Variants in NCAPG2 observed in about 807,000 individuals in gnomAD.
The protein encoded by NCAPG2 is non-SMC condensin II complex subunit G2, also known as condensin-2 complex subunit G2.
NCAPG2 carries 53 observed loss-of-function variants against 141.1 expected under a neutral mutation model. The ratio of observed to expected loss-of-function variants is 0.38; its 90% CI spans 0.30 to 0.47. NCAPG2 has a LOEUF of 0.47. Ranked by LOEUF, NCAPG2 falls within the 20% of genes least tolerant of loss-of-function variation. The probability of loss-of-function intolerance (pLI) is 0.99; values close to 1 mark genes in which losing one functional copy is unlikely to be tolerated. For synonymous variants in NCAPG2, 499 were observed against 490.7 expected (o/e 1.02, Z -0.22); for missense variants, 1,087 against 1,389.0 (o/e 0.78, Z 3.46).
intron 6 of NCAPG2, among the ~76,000 whole-genome samples, chr7:158,687,971 T>C (rs1479786374): frequency 6.6e-6 from 1 of 152,196 alleles, no homozygotes; most frequent in Non-Finnish European, 1.5e-5. Context: ...TTTATATGCA[T>C]GCTACTAGAT....
chr7:158,691,312 G>C (rs1835104702), intron 4 of NCAPG2, among the ~76,000 whole-genome samples: 1 of 152,164 alleles, frequency 6.6e-6, no homozygotes, highest in Non-Finnish European at 1.5e-5. Flanking sequence ...AATTAACTGG[G>C]AAGTTGATAG....
At chr7:158,657,378 C>CAACG (rs1293014575) in intron 17 of NCAPG2, among the ~76,000 whole-genome samples, 2 of 152,354 alleles carry the variant, frequency 1.3e-5, no homozygotes, top group East Asian at 3.9e-4. Flanking sequence ...CACATGTGAC[C>CAACG]AACGGTGACC....
In NCAPG2 at chr7:158,631,476, G is replaced by C. The variant is rs1829890210; in HGVS notation, c.*190C>G. 4 of 629,028 alleles carry C rather than the reference G, an allele frequency of 6.4e-6. No homozygotes were observed. Among genetic ancestry groups the C allele is most frequent in the Non-Finnish European group, 1.1e-5 (4 of 355,856 alleles). The allele number at this position is 629,028 out of a possible 1,614,324, so 39.0% of individuals were successfully genotyped here. A position where few individuals can be genotyped will look rare whatever the true frequency, so the allele number is the denominator to read the frequency against. On this transcript the variant is annotated 3_prime_UTR_variant, in exon 28 of 28. Transcript: ENST00000356309. ...TATATTAAATATATTATTTACGCAG[G>C]CACTAGGCAAAATTGAAGAAGTTTT...
At chr7:158,701,301 T>C (rs1219870652) in intron 2 of NCAPG2, among the ~76,000 whole-genome samples, 1 of 152,226 alleles carries the variant, frequency 6.6e-6, no homozygotes, top group Non-Finnish European at 1.5e-5. Flanking sequence ...TATTTCTCAC[T>C]TGTAGTCAGA....
chr7:158,667,309 AG>A lies in NCAPG2; in HGVS notation c.1480-2560del, dbSNP rs753919452. 728 of 393,730 alleles carry A rather than the reference AG, an allele frequency of 1.8e-3. 132 individuals carry two copies. The highest frequency in any genetic ancestry group is 0.014 in the African/African-American group (393 of 27,212). 24.4% of individuals were successfully genotyped at this position (393,730 alleles called of 1,614,324 possible). A position where few individuals can be genotyped will look rare whatever the true frequency, so the allele number is the denominator to read the frequency against. ...GACCCTGTGTCCCTCCTCCACCCTTAGCCGCTACTGTGTCCCTCCGCTACTG... is the reference window on the plus strand; with the variant it reads ...GACCCTGTGTCCCTCCTCCACCCTTACCGCTACTGTGTCCCTCCGCTACTG... On this transcript the variant is annotated intron_variant, in intron 13 of 27. Coordinates refer to ENST00000356309, the MANE Select transcript of NCAPG2 (RefSeq NM_017760.7).
rs1419492482 is a variant in NCAPG2, at chr7:158,655,835, G to T, written c.2389-380C>A. ...TCAGAGGGCTGGCTCCTGGAGGAGAGGAAGAGATGACGGCCTCCGTGGGAC... is the reference window on the plus strand; with the variant it reads ...TCAGAGGGCTGGCTCCTGGAGGAGATGAAGAGATGACGGCCTCCGTGGGAC... On this transcript the variant is annotated intron_variant, in intron 19 of 27. Transcript: ENST00000356309. Among the ~76,000 whole-genome samples, 3 of 34,884 alleles carry T rather than the reference G, an allele frequency of 8.6e-5. No individual in the cohort carries two copies. In the Admixed American group the frequency reaches 1.1e-3, roughly 13 times the overall value. The allele number at this position is 34,884 out of a possible 152,430, so 22.9% of individuals were successfully genotyped here.
chr7:158,659,147 T>C (rs1253756687), intron 16 of NCAPG2, among the ~76,000 whole-genome samples: 2 of 150,844 alleles, frequency 1.3e-5, no homozygotes, highest in Non-Finnish European at 2.9e-5. Context: ...CTGATCAACA[T>C]GGTGAAACCC....
In NCAPG2 at chr7:158,633,586, C is replaced by G. The variant is rs1378705962; in HGVS notation, c.3381-1869G>C. ...TCTACTGGACCTGCTGCCTCAGGGT[C>G]TCCTGCCCATTCCCTGAGTCCCCCA... On this transcript the variant is annotated intron_variant, in intron 27 of 27. Transcript: ENST00000356309. This position sits in a 1 kb window ranked among gnomAD's most constrained non-coding sequence, Gnocchi z 4.1. Among the ~76,000 whole-genome samples, 1 of 152,170 alleles carries G rather than the reference C, an allele frequency of 6.6e-6. No homozygotes were observed. The highest frequency in any genetic ancestry group is 2.4e-5 in the African/African-American group (1 of 41,444).
chr7:158,636,237 A>C, intron 27 of NCAPG2, among the ~76,000 whole-genome samples: 1 of 152,088 alleles, frequency 6.6e-6, no homozygotes, highest in Non-Finnish European at 1.5e-5. Context: ...TTCTTCTCTC[A>C]ATGTAACTAA....
chr7:158,636,630 G>C (rs1056864990), intron 27 of NCAPG2, among the ~76,000 whole-genome samples: 1 of 152,058 alleles, frequency 6.6e-6, no homozygotes, highest in Non-Finnish European at 1.5e-5. Flanking sequence ...TTGAACTCCC[G>C]ACCTCAGGTG....
At chr7:158,637,956 C>T (rs890353473) in intron 27 of NCAPG2, among the ~76,000 whole-genome samples, 2 of 152,064 alleles carry the variant, frequency 1.3e-5, no homozygotes, top group Non-Finnish European at 2.9e-5. Flanking sequence ...CCAGCCTGGC[C>T]AACATGGTGA....
intron 8 of NCAPG2, among the ~76,000 whole-genome samples, 187 bp downstream of exon 8, chr7:158,685,985 A>C (rs2129468331): frequency 6.6e-6 from 1 of 152,356 alleles, no homozygotes; most frequent in East Asian, 1.9e-4. Context: ...GAAAGAGCAC[A>C]GTCCTACCTC....
chr7:158,693,358 A>G lies in NCAPG2; in HGVS notation c.218T>C (p.Val73Ala), dbSNP rs1835247840. Residue 73 changes from valine to alanine, a missense_variant, in exon 3 of 28, where the codon GTG becomes GCG. By Grantham distance (64) the Val-to-Ala change is moderately conservative. Coordinates refer to ENST00000356309, the MANE Select transcript of NCAPG2 (RefSeq NM_017760.7). ...LESPVDGWQV[V>A]EAQGEDNMET... is the part of the protein sequence containing the mutation. ...CATATTGTCTTCACCCTGGGCTTCC[A>G]CTACCTGCCACCCATCCACTGGGCT... is the stretch of plus-strand genomic sequence containing the variant. 1 of 1,614,010 alleles carries G rather than the reference A, an allele frequency of 6.2e-7. No individual in the cohort carries two copies. The highest frequency in any genetic ancestry group is 8.5e-7 in the Non-Finnish European group (1 of 1,180,008).
intron 24 of NCAPG2, among the ~76,000 whole-genome samples, chr7:158,648,315 A>C (rs906214015): frequency 6.6e-6 from 1 of 152,114 alleles, no homozygotes; most frequent in African/African-American, 2.4e-5. Context: ...AAAAAAAAAA[A>C]TTACACAAAA....
rs1323436122 is a variant in NCAPG2, at chr7:158,667,345, G to GCCCGC, written c.1480-2596_1480-2595insGCGGG. 1.9e-5 allele frequency: 2 copies of GCCCGC among 106,930 alleles called. 1 individual carries two copies. The highest frequency in any genetic ancestry group is 2.1e-5 in the Non-Finnish European group (2 of 94,644). The allele number at this position is 106,930 out of a possible 1,614,324, so 6.6% of individuals were successfully genotyped here. A position where few individuals can be genotyped will look rare whatever the true frequency, so the allele number is the denominator to read the frequency against. The stretch of plus-strand genomic sequence containing the variant: ...TGTCCCTCCGCTACTGTGTCCCTCC[G>GCCCGC]CTCCTTAGCCACTACCGGATCCCTC... On this transcript the variant is annotated intron_variant, in intron 13 of 27. Coordinates refer to ENST00000356309, the MANE Select transcript of NCAPG2 (RefSeq NM_017760.7).
chr7:158,690,266 A>T (rs896426101), intron 5 of NCAPG2, among the ~76,000 whole-genome samples: 6 of 152,210 alleles, frequency 3.9e-5, no homozygotes, highest in Non-Finnish European at 8.8e-5. Context: ...AGCTACTAAA[A>T]TGTGACTAAT....
chr7:158,679,864 C>A (rs1420825066), intron 11 of NCAPG2, 96 bp downstream of exon 11: 3 of 1,449,506 alleles, frequency 2.1e-6, no homozygotes, highest in Non-Finnish European at 9.3e-7. Flanking sequence ...AGAGCTCTGG[C>A]GGTTACAGGG....
chr7:158,645,843 TG>T (rs1302937086), intron 25 of NCAPG2, among the ~76,000 whole-genome samples: 4 of 152,174 alleles, frequency 2.6e-5, no homozygotes, highest in African/African-American at 9.6e-5. Flanking sequence ...CTGTGCTGAG[TG>T]AAAAAGGCTA....
chr7:158,634,014 G>T (rs887419789), intron 27 of NCAPG2, among the ~76,000 whole-genome samples: 1 of 152,198 alleles, frequency 6.6e-6, no homozygotes, highest in South Asian at 2.1e-4. Context: ...CTCCCAAAGT[G>T]ATGGAATTAC....
Sources: gnomAD v4.1 joint callset for allele counts (sites outside exome capture counted in the v4.1 genomes callset) on GRCh38, gnomAD v4.1.1 for gene constraint, Gnocchi (gnomAD v3.1) non-coding constraint, MANE v1.5 for transcripts, NCBI Gene and HGNC (gene_info 2026-07-23, HGNC 2026-07-21) for gene names.